TMEFF1: variants seen among roughly 807,000 people sequenced by gnomAD.
TMEFF1 encodes the protein tomoregulin-1.
TMEFF1 carries 20 observed loss-of-function variants against 47.5 expected under a neutral mutation model. That is an observed-to-expected ratio of 0.42 (90% confidence interval 0.30 to 0.61). The LOEUF is 0.61. TMEFF1 is among the 20% of genes least tolerant of loss of function. TMEFF1 has a pLI of 0.19. For synonymous variants in TMEFF1, 162 were observed against 166.3 expected (o/e 0.97, Z 0.20); for missense variants, 411 against 471.1 (o/e 0.87, Z 1.18).
chr9:100,535,818 T>C (rs974960300), intron 5 of TMEFF1, among the ~76,000 whole-genome samples: 1 of 152,186 alleles, frequency 6.6e-6, no homozygotes, highest in Non-Finnish European at 1.5e-5. Flanking sequence ...CTGTTAACTT[T>C]ACCAGATTGC....
At chr9:100,538,471 G>A (rs997217989) in intron 5 of TMEFF1, among the ~76,000 whole-genome samples, 2 of 152,178 alleles carry the variant, frequency 1.3e-5, no homozygotes, top group African/African-American at 4.8e-5. Context: ...CGGCCCTGAG[G>A]ATATGGAAGG....
At chr9:100,527,939 C>T (rs545001579) in intron 5 of TMEFF1, among the ~76,000 whole-genome samples, 5 of 152,292 alleles carry the variant, frequency 3.3e-5, no homozygotes, top group African/African-American at 9.6e-5. Flanking sequence ...GACACCTGAC[C>T]CCCGAGCAGC....
In TMEFF1 at chr9:100,473,887, C is replaced by A; in HGVS notation, c.196+147C>A. ...GGGTGAGCGAGGGCGGAGGGCAGGG[C>A]GCGAGCGTGCGGTGTGGCTTTGGGA... On this transcript the variant is annotated intron_variant, in intron 1 of 9. Coordinates refer to ENST00000374879, the MANE Select transcript of TMEFF1 (RefSeq NM_003692.5). The surrounding 1 kb of genome is among the most constrained non-coding windows in gnomAD (Gnocchi z 5.4). The A allele has an allele frequency of 9.7e-7, 1 of 1,032,490 alleles. No homozygotes were observed. Among genetic ancestry groups the A allele is most frequent in the Non-Finnish European group, 1.3e-6 (1 of 775,594 alleles). 64.0% of individuals were successfully genotyped at this position (1,032,490 alleles called of 1,614,324 possible). A position where few individuals can be genotyped will look rare whatever the true frequency, so the allele number is the denominator to read the frequency against.
At chr9:100,483,798 T>TTC (rs1564006951) in intron 1 of TMEFF1, among the ~76,000 whole-genome samples, 2 of 151,944 alleles carry the variant, frequency 1.3e-5, no homozygotes, top group African/African-American at 4.8e-5. Flanking sequence ...GTTTTTTTTT[T>TTC]CCCCTGAACT....
Position 100,560,244 on chromosome 9 carries a change from A to G in TMEFF1, c.776-1153A>G, listed in dbSNP as rs12002405. 6.3e-3 allele frequency among the ~76,000 whole-genome samples: 963 copies of G among 152,194 alleles called. 12 individuals are homozygous for G. Among genetic ancestry groups the G allele is most frequent in the African/African-American group, 0.022 (909 of 41,510 alleles). ...TGGTGGTATTGTACATGCATTTGTT[A>G]TCTCCTTTAGTCCTCTCAAAACTGC... is the stretch of plus-strand genomic sequence containing the variant. On this transcript the variant is annotated intron_variant, in intron 7 of 9. Transcript: ENST00000374879.
rs370520732 is a variant in TMEFF1 at position 100,547,717 on chromosome 9, A to G, written c.561-27A>G. 4.8e-6 allele frequency: 7 copies of G among 1,462,706 alleles called. No homozygotes were observed. The Admixed American group carries it at 7.2e-5, about 15-fold the overall frequency. The allele number at this position is 1,462,706 out of a possible 1,614,324, so 90.6% of individuals were successfully genotyped here. A position where few individuals can be genotyped will look rare whatever the true frequency, so the allele number is the denominator to read the frequency against. ...TTGTGAAATATTTTTGTTGTAAAATATAGGTAATTTTTGTCTTTTCCAACA... is the reference window on the plus strand; with the variant it reads ...TTGTGAAATATTTTTGTTGTAAAATGTAGGTAATTTTTGTCTTTTCCAACA... On this transcript the variant is annotated intron_variant, in intron 5 of 9. Transcript: ENST00000374879.
intron 7 of TMEFF1, among the ~76,000 whole-genome samples, chr9:100,558,872 A>G (rs976808044): frequency 2.0e-5 from 3 of 152,038 alleles, no homozygotes; most frequent in African/African-American, 7.2e-5. Flanking sequence ...CACTAAATAT[A>G]TTATCTCATT....
chr9:100,504,712 G>A (rs1464918580), intron 2 of TMEFF1, among the ~76,000 whole-genome samples: 1 of 152,120 alleles, frequency 6.6e-6, no homozygotes, highest in Non-Finnish European at 1.5e-5. Flanking sequence ...CACATGGTTG[G>A]TGGGCCCAGG....
intron 1 of TMEFF1, among the ~76,000 whole-genome samples, chr9:100,481,908 A>T (rs1286892734): frequency 1.3e-5 from 2 of 151,802 alleles, no homozygotes; most frequent in Admixed American, 1.3e-4. Context: ...TAGCCTCCTG[A>T]GTTGCTGGTA....
At chr9:100,492,460 G>A (rs543836958) in intron 1 of TMEFF1, among the ~76,000 whole-genome samples, 49 of 152,322 alleles carry the variant, frequency 3.2e-4, no homozygotes, top group Non-Finnish European at 2.8e-4. Flanking sequence ...TACCTTGGTT[G>A]GAGCTAAAGT....
chr9:100,562,276 A>G (rs1273608132), intron 8 of TMEFF1, among the ~76,000 whole-genome samples: 1 of 152,098 alleles, frequency 6.6e-6, no homozygotes, highest in Non-Finnish European at 1.5e-5. Flanking sequence ...TAGTCAAAAC[A>G]TCGAAACATG....
chr9:100,523,741 A>G (rs1478882519), intron 5 of TMEFF1, among the ~76,000 whole-genome samples: 1 of 152,194 alleles, frequency 6.6e-6, no homozygotes, highest in East Asian at 1.9e-4. Context: ...AAAGGAAGCA[A>G]AAGTGTGGAT....
At chr9:100,508,954 C>A in intron 2 of TMEFF1, 51 bp from the exon 3 acceptor site, 1 of 1,469,224 alleles carries the variant, frequency 6.8e-7, no homozygotes, top group Admixed American at 2.4e-5. Flanking sequence ...GTGAAATAAA[C>A]TATTAATATT....
At chr9:100,561,613 C>T (rs1036618277) in intron 8 of TMEFF1, 93 bp downstream of exon 8, 1 of 1,377,266 alleles carries the variant, frequency 7.3e-7, no homozygotes, top group Non-Finnish European at 9.4e-7. Context: ...TAAATATTAC[C>T]AGAAAGTAGT....
chr9:100,493,498 C>T (rs562329610), intron 1 of TMEFF1, among the ~76,000 whole-genome samples: 11 of 152,248 alleles, frequency 7.2e-5, no homozygotes, highest in African/African-American at 2.6e-4. Context: ...CAGAGTTTCT[C>T]CCACTAGTGT....
At chr9:100,540,076 C>G (rs1349579730) in intron 5 of TMEFF1, among the ~76,000 whole-genome samples, 1 of 152,104 alleles carries the variant, frequency 6.6e-6, no homozygotes. Context: ...GTTTACAAAC[C>G]TTTAGCTAGA....
At chr9:100,498,242 A>G (rs894460609) in intron 1 of TMEFF1, among the ~76,000 whole-genome samples, 10 of 152,238 alleles carry the variant, frequency 6.6e-5, no homozygotes, top group South Asian at 4.2e-4. Flanking sequence ...CATATTATTT[A>G]TTGTATGAAA....
intron 5 of TMEFF1, among the ~76,000 whole-genome samples, chr9:100,544,050 G>A (rs1838686971): frequency 6.6e-6 from 1 of 151,210 alleles, no homozygotes; most frequent in African/African-American, 2.4e-5. Context: ...TAGTCCCTTT[G>A]GAATATGACA....
intron 1 of TMEFF1, among the ~76,000 whole-genome samples, chr9:100,492,147 G>T (rs1335031842): frequency 6.6e-6 from 1 of 152,198 alleles, no homozygotes; most frequent in African/African-American, 2.4e-5. Flanking sequence ...GCCTCCCAAA[G>T]TGCTGGGATT....
Sources: gnomAD v4.1 joint callset for allele counts (sites outside exome capture counted in the v4.1 genomes callset) on GRCh38, gnomAD v4.1.1 for gene constraint, Gnocchi (gnomAD v3.1) non-coding constraint, MANE v1.5 for transcripts, NCBI Gene and HGNC (gene_info 2026-07-23, HGNC 2026-07-21) for gene names.